The following DAG1 variants were observed in gnomAD, a reference collection of about 807,000 sequenced individuals.
The protein encoded by DAG1 is dystroglycan 1 (dystrophin-associated glycoprotein 1).
A neutral mutation model predicts 46.1 loss-of-function variants in DAG1; 8 were observed. The ratio of observed to expected loss-of-function variants is 0.17; its 90% CI spans 0.10 to 0.31. The LOEUF (loss-of-function observed/expected upper bound fraction) is 0.31, where lower values mean the gene tolerates loss of function less well. Among genes scored for constraint, DAG1 ranks in the 10% least tolerant of loss-of-function variants. DAG1 has a pLI of 1.00. For missense variants in DAG1, 1,003 were observed against 1,189.9 expected, an observed-to-expected ratio of 0.84 and a Z score of 2.31; for synonymous variants, 495 against 481.8, an observed-to-expected ratio of 1.03 and a Z score of -0.36.
Position 49,531,964 on chromosome 3 carries a change from A to C in DAG1, c.1453A>C (p.Ser485Arg). ...GCCTACTCGTATTCGCACCACCACC[A>C]GTGGAGTGCCCCGTGGCGGAGAACC... The part of the protein sequence containing the change: ...SPPTRIRTTT[S>R]GVPRGGEPNQ... The change falls in exon 3 of 3, where the codon AGT becomes CGT. Residue 485 changes from serine (S) to arginine (R), a missense_variant. Ser to Arg is a moderately radical substitution (Grantham distance 110). Around this residue, in one of 3 missense-constraint regions of DAG1, gnomAD observed 755 missense variants for 854.1 expected, o/e 0.88. Coordinates refer to ENST00000308775, the MANE Select transcript of DAG1 (RefSeq NM_004393.6). The surrounding 1 kb of genome is among the most constrained non-coding windows in gnomAD (Gnocchi z 7.0). 1 of 1,614,198 alleles carries C rather than the reference A, an allele frequency of 6.2e-7. No individual in the cohort carries two copies.
At chr3:49,521,355 C>T (rs972846806) in intron 2 of DAG1, among the ~76,000 whole-genome samples, 4 of 152,000 alleles carry the variant, frequency 2.6e-5, no homozygotes, top group African/African-American at 7.3e-5. Context: ...TTAGTAGAGA[C>T]GGGGTTTCAC....
rs1403259135 is a variant in DAG1 at position 49,475,876 on chromosome 3, G to GTA, written c.-117+5453_-117+5454dup. On this transcript the variant is annotated intron_variant, in intron 1 of 2. Transcript: ENST00000308775. ...CCGCCACCACACCTGGCTAATATAT[G>GTA]TATATATATATTTTTTGTATTTTTA... 2.0e-5 allele frequency among the ~76,000 whole-genome samples: 3 copies of GTA among 151,358 alleles called. No individual in the cohort carries two copies. In the Admixed American group the frequency reaches 2.0e-4, roughly 10 times the overall value.
intron 1 of DAG1, 73 bp downstream of exon 1, chr3:49,470,506 C>T (rs2106674953): frequency 6.6e-6 from 1 of 152,272 alleles, no homozygotes; most frequent in South Asian, 2.1e-4. Flanking sequence ...GCTGAGCCTT[C>T]CGCGGAACAC....
At chr3:49,496,019 T>C (rs943320044) in intron 1 of DAG1, among the ~76,000 whole-genome samples, 1 of 152,076 alleles carries the variant, frequency 6.6e-6, no homozygotes, top group Admixed American at 6.6e-5. Flanking sequence ...TCCTTTTCTG[T>C]CTTCAGTGTC....
intron 1 of DAG1, among the ~76,000 whole-genome samples, chr3:49,504,520 CTATTA>C (rs1036014331): frequency 1.4e-5 from 2 of 145,794 alleles, no homozygotes; most frequent in African/African-American, 5.1e-5. Context: ...TCTGGATTCC[CTATTA>C]TATTCCATTT....
intron 2 of DAG1, among the ~76,000 whole-genome samples, chr3:49,524,838 T>A (rs571299866): frequency 1.4e-4 from 22 of 151,764 alleles, no homozygotes; most frequent in Non-Finnish European, 2.9e-4. Flanking sequence ...ACACACAAAA[T>A]ACCCGGGCAC....
chr3:49,533,251 TG>T lies in DAG1; in HGVS notation c.*54del. 1.3e-6 allele frequency: 2 copies of T among 1,599,732 alleles called. No individual in the cohort carries two copies. Among genetic ancestry groups the T allele is most frequent in the East Asian group, 4.5e-5 (2 of 44,736 alleles). On this transcript the variant is annotated 3_prime_UTR_variant, in exon 3 of 3. Transcript: ENST00000308775. ...GTAGGGCAGGGGCCTGGAGACGACATGGTGTTGTCTGTGGAGACCGGTGGCC... is the reference window on the plus strand; with the variant it reads ...GTAGGGCAGGGGCCTGGAGACGACATGTGTTGTCTGTGGAGACCGGTGGCC...
At chr3:49,495,670 C>T (rs1026346508) in intron 1 of DAG1, among the ~76,000 whole-genome samples, 1 of 152,036 alleles carries the variant, frequency 6.6e-6, no homozygotes, top group African/African-American at 2.4e-5. Context: ...GCCTGTAATC[C>T]CAGCACTTTG....
At position 49,478,431 on chromosome 3, in the gene DAG1, C is replaced by CAAAAAAA. The variant is rs35324265; in HGVS notation, c.-117+8004_-117+8005insAAAAAAA. Among the ~76,000 whole-genome samples, 11 of 64,886 alleles carry CAAAAAAA rather than the reference C, an allele frequency of 1.7e-4. 1 individual carries two copies. The highest frequency in any genetic ancestry group is 2.0e-4 in the Admixed American group (1 of 5,020). 42.6% of individuals were successfully genotyped at this position (64,886 alleles called of 152,430 possible). A position where few individuals can be genotyped will look rare whatever the true frequency, so the allele number is the denominator to read the frequency against. On this transcript the variant is annotated intron_variant, in intron 1 of 2. Coordinates refer to ENST00000308775, the MANE Select transcript of DAG1 (RefSeq NM_004393.6). ...GCAACAAAGAGAGACCCTGTCTCTA[C>CAAAAAAA]AAAAAATAAAAAAAAAAAAAAAAAT...
chr3:49,499,577 C>A (rs564093202), intron 1 of DAG1, among the ~76,000 whole-genome samples: 2 of 152,152 alleles, frequency 1.3e-5, no homozygotes, highest in African/African-American at 4.8e-5. Flanking sequence ...TCCCTGTGTG[C>A]GTGGGCACTC....
chr3:49,491,930 C>CT (rs1166608912), intron 1 of DAG1, among the ~76,000 whole-genome samples: 2,905 of 137,304 alleles, frequency 0.021, 88 homozygotes, highest in African/African-American at 0.067. Context: ...CAAGTCTATT[C>CT]TTTTTTTTTT....
At chr3:49,520,464 G>T (rs1559570465) in intron 2 of DAG1, among the ~76,000 whole-genome samples, 1 of 152,200 alleles carries the variant, frequency 6.6e-6, no homozygotes, top group Non-Finnish European at 1.5e-5. Context: ...CTGCAGGTTG[G>T]CCCAGCTCTG....
rs1559548209 is a variant in DAG1 at position 49,480,664 on chromosome 3, CTTA to C, written c.-117+10237_-117+10239del. 1.4e-5 allele frequency among the ~76,000 whole-genome samples: 2 copies of C among 141,064 alleles called. 1 individual carries two copies. Among genetic ancestry groups the C allele is most frequent in the Non-Finnish European group, 3.2e-5 (2 of 61,738 alleles). 92.5% of individuals were successfully genotyped at this position (141,064 alleles called of 152,430 possible). On this transcript the variant is annotated intron_variant, in intron 1 of 2. Coordinates refer to ENST00000308775, the MANE Select transcript of DAG1 (RefSeq NM_004393.6). ...TTGGTTCTTTTTTTTTGTTTTTCTTCTTATTATTTGTTTTAGCTATTTCCTACA... is the reference window on the plus strand; with the variant it reads ...TTGGTTCTTTTTTTTTGTTTTTCTTCTTATTTGTTTTAGCTATTTCCTACA...
At chr3:49,513,393 C>A (rs1288446241) in intron 2 of DAG1, among the ~76,000 whole-genome samples, 1 of 152,154 alleles carries the variant, frequency 6.6e-6, no homozygotes, top group Non-Finnish European at 1.5e-5. Context: ...ACTTGCCCAA[C>A]AACACTTCCA....
In DAG1 at chr3:49,491,584, C is replaced by T. The variant is rs566955199; in HGVS notation, c.-116-18835C>T. Among the ~76,000 whole-genome samples, 8 of 151,824 alleles carry T rather than the reference C, an allele frequency of 5.3e-5. No homozygotes were observed. In the South Asian group the frequency reaches 1.5e-3, roughly 28 times the overall value. On this transcript the variant is annotated intron_variant, in intron 1 of 2. Coordinates refer to ENST00000308775, the MANE Select transcript of DAG1 (RefSeq NM_004393.6). Reference sequence around the variant, plus strand: ...CTCTGCCTCCCGGGTTCACGCCATTCTCCTGCCTCAGCCTCCCAAGTAGCT... The same window carrying T: ...CTCTGCCTCCCGGGTTCACGCCATTTTCCTGCCTCAGCCTCCCAAGTAGCT...
intron 1 of DAG1, among the ~76,000 whole-genome samples, chr3:49,498,502 A>G (rs1001173075): frequency 1.3e-5 from 2 of 151,988 alleles, no homozygotes; most frequent in Admixed American, 6.6e-5. Flanking sequence ...GAGCAGTTTT[A>G]AACTGGTTAA....
intron 1 of DAG1, among the ~76,000 whole-genome samples, chr3:49,497,298 G>A (rs550240947): frequency 3.1e-4 from 47 of 152,094 alleles, no homozygotes; most frequent in Non-Finnish European, 5.7e-4. Flanking sequence ...TTAGCTGGAC[G>A]TCATAGTGGG....
Position 49,531,550 on chromosome 3 carries a change from A to G in DAG1, c.1039A>G (p.Ile347Val). The stretch of plus-strand genomic sequence containing the variant: ...CGTGCCAACCCCCACATCTCCAGCC[A>G]TTGCTCCTCCAACAGAGACCATGGC... ...RIVPTPTSPA[I>V]APPTETMAPP... The change falls in exon 3 of 3, where the codon ATT becomes GTT. Residue 347 changes from isoleucine (I) to valine (V), a missense_variant. This residue lies in a region of DAG1 where 755 missense variants were observed against 854.1 expected (regional missense o/e 0.88). Transcript: ENST00000308775. The surrounding 1 kb of genome is among the most constrained non-coding windows in gnomAD (Gnocchi z 7.0). The G allele has an allele frequency of 6.2e-7, 1 of 1,610,822 alleles. No individual in the cohort carries two copies. Among genetic ancestry groups the G allele is most frequent in the South Asian group, 1.1e-5 (1 of 91,018 alleles).
intron 2 of DAG1, 148 bp from the exon 3 acceptor site, chr3:49,530,649 G>A (rs986419979): frequency 1.7e-6 from 2 of 1,143,346 alleles, no homozygotes; most frequent in Non-Finnish European, 1.3e-6. Flanking sequence ...ACTCAGTTGT[G>A]TCTCTCTAGG....
Sources: allele counts gnomAD v4.1 joint callset (sites outside exome capture counted in the v4.1 genomes callset), GRCh38; gene constraint gnomAD v4.1.1; regional missense constraint gnomAD v4.1.1; non-coding constraint Gnocchi (gnomAD v3.1); transcripts MANE v1.5; gene names NCBI Gene and HGNC (gene_info 2026-07-23, HGNC 2026-07-21).